ZNF585B: variants seen among roughly 807,000 people sequenced by gnomAD.
ZNF585B encodes zinc finger protein 41-like protein.
ZNF585B carries 7 observed loss-of-function variants against 14.0 expected under a neutral mutation model. The ratio of observed to expected loss-of-function variants is 0.50; its 90% CI spans 0.28 to 0.94. The LOEUF (loss-of-function observed/expected upper bound fraction) is 0.94. Among genes scored for constraint, ZNF585B ranks in the 40% least tolerant of loss-of-function variants. ZNF585B has a pLI of 0.09. For synonymous variants in ZNF585B, 290 were observed against 317.3 expected (o/e 0.91, Z 0.91); for missense variants, 750 against 924.4 (o/e 0.81, Z 2.45).
At position 37,190,012 on chromosome 19, in the gene ZNF585B, G is replaced by T. The variant is rs1285395644; in HGVS notation, c.199+12C>A. On this transcript the variant is annotated intron_variant, in intron 3 of 4. Coordinates refer to ENST00000532828, the MANE Select transcript of ZNF585B (RefSeq NM_152279.4). ...GAGGCCTCCTTTCAGATACCAAGGT[G>T]ACTGTGCTTACCTACTGAGAGCAGG... 1.2e-6 allele frequency: 2 copies of T among 1,613,294 alleles called. No homozygotes were observed. The highest frequency in any genetic ancestry group is 4.5e-5 in the East Asian group (2 of 44,852).
In ZNF585B at chr19:37,207,170, T is replaced by C; in HGVS notation, c.-59A>G. 6.2e-7 allele frequency: 1 copy of C among 1,610,708 alleles called. No individual in the cohort carries two copies. The highest frequency in any genetic ancestry group is 8.5e-7 in the Non-Finnish European group (1 of 1,179,314). On this transcript the variant is annotated 5_prime_UTR_variant, in exon 2 of 5. Transcript: ENST00000532828. ...GTGCCTGAAGTTTAGTGGTCATCTG[T>C]GAACTCAGCAGAGCTGCTCCGAAGA...
intron 3 of ZNF585B, 43 bp downstream of exon 3, chr19:37,189,981 C>A (rs762253247): frequency 1.9e-6 from 3 of 1,607,778 alleles, no homozygotes; most frequent in South Asian, 1.1e-5. Flanking sequence ...TGAAAACACT[C>A]TCAGTGAGGC....
At position 37,210,495 on chromosome 19, in the gene ZNF585B, A is replaced by G. The variant is rs1431024616; in HGVS notation, c.-198T>C. The G allele has an allele frequency of 6.6e-6, 1 of 152,268 alleles. No homozygotes were observed. The highest frequency in any genetic ancestry group is 1.5e-5 in the Non-Finnish European group (1 of 68,060). 9.4% of individuals were successfully genotyped at this position (152,268 alleles called of 1,614,324 possible). ...AAAACGTGAAAATAGTCCTGACGCC[A>G]GCGGCGAAATAGCCTTCGGGGACCA... On this transcript the variant is annotated 5_prime_UTR_variant, in exon 1 of 5. Transcript: ENST00000532828.
chr19:37,195,853 C>G (rs1006916219), intron 2 of ZNF585B: 2 of 151,456 alleles, frequency 1.3e-5, no homozygotes, highest in African/African-American at 4.9e-5. Context: ...ATGGAGAAAC[C>G]CCGTCTCTAC....
At chr19:37,192,448 A>G (rs1435547830) in intron 2 of ZNF585B, among the ~76,000 whole-genome samples, 2 of 151,980 alleles carry the variant, frequency 1.3e-5, no homozygotes, top group African/African-American at 4.8e-5. Flanking sequence ...GATGGGCTCC[A>G]GTGAGCCACG....
chr19:37,193,847 C>T (rs186069936), intron 2 of ZNF585B, among the ~76,000 whole-genome samples: 44 of 152,260 alleles, frequency 2.9e-4, no homozygotes, highest in Non-Finnish European at 4.7e-4. Context: ...ACCTTGTGGA[C>T]TTTGGCCCCT....
chr19:37,207,344 C>A, intron 1 of ZNF585B, 90 bp from the exon 2 acceptor site: 1 of 1,007,472 alleles, frequency 9.9e-7, no homozygotes, highest in South Asian at 2.3e-5. Flanking sequence ...CGCTAGAAAC[C>A]AGAGCAGTGG....
In ZNF585B at chr19:37,185,844, G is replaced by T; in HGVS notation, c.1693C>A (p.Leu565Ile). ...GTATGAATTTTCTGATGAACAATGA[G>T]TATTGATTTCTGGTTGAAGGCTTTC... The part of the protein sequence containing the change: ...CGKAFNQKSI[L>I]IVHQKIHTGE... The change falls in exon 5 of 5, where the codon CTC becomes ATC. Residue 565 changes from leucine to isoleucine, a missense_variant. By Grantham distance (5) the Leu-to-Ile change is conservative. Transcript: ENST00000532828. 1.9e-6 allele frequency: 3 copies of T among 1,612,342 alleles called. No individual in the cohort carries two copies. The highest frequency in any genetic ancestry group is 2.5e-6 in the Non-Finnish European group (3 of 1,179,186).
chr19:37,199,688 G>C (rs1301815396), intron 2 of ZNF585B, among the ~76,000 whole-genome samples: 1 of 152,000 alleles, frequency 6.6e-6, no homozygotes, highest in Non-Finnish European at 1.5e-5. Context: ...CAAATAAATT[G>C]ACACACAACA....
rs764562597 is a variant in ZNF585B at position 37,186,310 on chromosome 19, C to T, written c.1227G>A (p.Ser409=). ...VHQRIHTGEK[S]YICMKCGLAF... is the part of the protein sequence containing the mutation. ...CCAGTCCACATTTCATGCATATATA[C>T]GATTTTTCTCCTGTATGAATTCTCT... Residue 409 remains serine (S), a synonymous_variant, in exon 5 of 5, where the codon TCG becomes TCA. Transcript: ENST00000532828. 3.0e-5 allele frequency: 48 copies of T among 1,613,736 alleles called. No homozygotes were observed. The South Asian group carries it at 3.8e-4, about 13-fold the overall frequency.
At position 37,185,374 on chromosome 19, in the gene ZNF585B, A is replaced by T; in HGVS notation, c.2163T>A (p.Ala721=). 1 of 1,614,110 alleles carries T rather than the reference A, an allele frequency of 6.2e-7. No homozygotes were observed. The highest frequency in any genetic ancestry group is 8.5e-7 in the Non-Finnish European group (1 of 1,180,026). The change falls in exon 5 of 5, where the codon GCT becomes GCA. Residue 721 remains alanine, a synonymous_variant. Coordinates refer to ENST00000532828, the MANE Select transcript of ZNF585B (RefSeq NM_152279.4). ...TGTTGCTAAAGGCCTTCCCACACTC[A>T]GCACACACGTAAGGCTTCTCTCCAG... ...IHTGEKPYVC[A]ECGKAFSNRS...
rs1320511054 is a variant in ZNF585B, at chr19:37,185,893, T to C, written c.1644A>G (p.Arg548=). 1 of 1,613,952 alleles carries C rather than the reference T, an allele frequency of 6.2e-7. No individual in the cohort carries two copies. Among genetic ancestry groups the C allele is most frequent in the Admixed American group, 1.7e-5 (1 of 59,980 alleles). Residue 548 remains arginine, a synonymous_variant, in exon 5 of 5, where the codon AGA becomes AGG. Coordinates refer to ENST00000532828, the MANE Select transcript of ZNF585B (RefSeq NM_152279.4). The part of the protein sequence containing the change: ...NIHQKIHTGE[R]QYECHECGKA... ...TCCCACATTCGTGGCATTCATACTG[T>C]CTCTCTCCAGTGTGAATTTTCTGAT...
At position 37,181,714 on chromosome 19, in the gene ZNF585B, A is replaced by G. The variant is rs1322402518; in HGVS notation, c.*3513T>C. ...TCAATGAGAAAAAAAAAAAAAAAAGAGCTAGCAAGCTACGAAAAGACATGG... is the reference window on the plus strand; with the variant it reads ...TCAATGAGAAAAAAAAAAAAAAAAGGGCTAGCAAGCTACGAAAAGACATGG... On this transcript the variant is annotated 3_prime_UTR_variant, in exon 5 of 5. Transcript: ENST00000532828. The G allele has an allele frequency of 6.6e-6, 1 of 150,968 alleles. No individual in the cohort carries two copies. The highest frequency in any genetic ancestry group is 1.5e-5 in the Non-Finnish European group (1 of 67,742). The allele number at this position is 150,968 out of a possible 1,614,324, so 9.4% of individuals were successfully genotyped here.
chr19:37,207,306 C>T, intron 1 of ZNF585B, 52 bp from the exon 2 acceptor site: 1 of 1,339,436 alleles, frequency 7.5e-7, no homozygotes, highest in Non-Finnish European at 9.8e-7. Context: ...ATAAACACTT[C>T]CTGGATACAC....
rs1972304961 is a variant in ZNF585B at position 37,184,472 on chromosome 19, GAAAGAA to G, written c.*749_*754del. 1 of 110,428 alleles carries G rather than the reference GAAAGAA, an allele frequency of 9.1e-6. No homozygotes were observed. Among genetic ancestry groups the G allele is most frequent in the Non-Finnish European group, 1.9e-5 (1 of 53,232 alleles). 6.8% of individuals were successfully genotyped at this position (110,428 alleles called of 1,614,324 possible). A position where few individuals can be genotyped will look rare whatever the true frequency, so the allele number is the denominator to read the frequency against. ...AGAAAGAAAGAAAGAAAGAAAGAAA[GAAAGAA>G]AGAAAGAAAGAAAGAAAGAAAGAAA... On this transcript the variant is annotated 3_prime_UTR_variant, in exon 5 of 5. Coordinates refer to ENST00000532828, the MANE Select transcript of ZNF585B (RefSeq NM_152279.4).
In ZNF585B at chr19:37,186,596, T is replaced by C. The variant is rs1885503856; in HGVS notation, c.941A>G (p.Gln314Arg). 1 of 1,614,146 alleles carries C rather than the reference T, an allele frequency of 6.2e-7. No individual in the cohort carries two copies. The highest frequency in any genetic ancestry group is 8.5e-7 in the Non-Finnish European group (1 of 1,180,058). Residue 314 changes from glutamine to arginine, a missense_variant, in exon 5 of 5, where the codon CAG becomes CGG. Around this residue, in one of 2 missense-constraint regions of ZNF585B, gnomAD observed 517 missense variants for 570.3 expected, o/e 0.91. Coordinates refer to ENST00000532828, the MANE Select transcript of ZNF585B (RefSeq NM_152279.4). ...GKSFISKSQL[Q>R]VHQRVHTRVK... Reference sequence around the variant, plus strand: ...TCTTGTGTGAACACGTTGATGTACCTGAAGTTGTGACTTGGAAATGAAGGA... The same window carrying C: ...TCTTGTGTGAACACGTTGATGTACCCGAAGTTGTGACTTGGAAATGAAGGA...
rs369127701 is a variant in ZNF585B at position 37,186,521 on chromosome 19, G to A, written c.1016C>T (p.Ser339Phe). The A allele has an allele frequency of 6.2e-7, 1 of 1,614,222 alleles. No homozygotes were observed. The highest frequency in any genetic ancestry group is 1.3e-5 in the African/African-American group (1 of 75,056). Residue 339 changes from serine (S) to phenylalanine (F), a missense_variant, in exon 5 of 5, where the codon TCC (serine) becomes TTC (phenylalanine). By Grantham distance (155) the Ser-to-Phe change is radical. Around this residue, in one of 2 missense-constraint regions of ZNF585B, gnomAD observed 517 missense variants for 570.3 expected, o/e 0.91. Coordinates refer to ENST00000532828, the MANE Select transcript of ZNF585B (RefSeq NM_152279.4). ...TEYGKVFSNN[S>F]NLITHEKIQS... ...AATCTTCTCATGTGTAATGAGGTTG[G>A]AATTATTGCTGAAGACCTTCCCATA... is the stretch of plus-strand genomic sequence containing the variant.
chr19:37,191,076 C>G (rs1972395131), intron 2 of ZNF585B, among the ~76,000 whole-genome samples: 1 of 152,116 alleles, frequency 6.6e-6, no homozygotes, highest in South Asian at 2.1e-4. Flanking sequence ...GCAGTCATCA[C>G]TACACTTTCT....
chr19:37,188,162 A>G (rs1002007536), intron 4 of ZNF585B, among the ~76,000 whole-genome samples: 2 of 152,182 alleles, frequency 1.3e-5, no homozygotes, highest in African/African-American at 4.8e-5. Flanking sequence ...CTCAAACCTC[A>G]TCAGGTGAAA....
Sources: allele counts gnomAD v4.1 joint callset (sites outside exome capture counted in the v4.1 genomes callset), GRCh38; gene constraint gnomAD v4.1.1; regional missense constraint gnomAD v4.1.1; transcripts MANE v1.5; gene names NCBI Gene and HGNC (gene_info 2026-07-23, HGNC 2026-07-21).